Variants in LYPLA1 observed in about 807,000 individuals in gnomAD.
The protein encoded by LYPLA1 is acyl-protein thioesterase 1.
A neutral mutation model predicts 34.0 loss-of-function variants in LYPLA1; 17 were observed. The ratio of observed to expected loss-of-function variants is 0.50; its 90% CI spans 0.34 to 0.75. The LOEUF is 0.75. Ranked by LOEUF, LYPLA1 falls within the 30% of genes least tolerant of loss-of-function variation. The pLI, the probability that LYPLA1 is intolerant of heterozygous loss-of-function variation, is 0.01. For synonymous variants in LYPLA1, 98 were observed against 100.8 expected (o/e 0.97, Z 0.17); for missense variants, 203 against 288.8 (o/e 0.70, Z 2.15).
intron 6 of LYPLA1, among the ~76,000 whole-genome samples, chr8:54,053,856 T>A (rs976537084): frequency 7.2e-5 from 11 of 152,236 alleles, no homozygotes; most frequent in African/African-American, 2.7e-4. Context: ...CTCCTCAGTT[T>A]CCTTGATAGG....
At chr8:54,043,761 A>G (rs1019753697), downstream of LYPLA1, among the ~76,000 whole-genome samples, 3 of 151,698 alleles carry the variant, frequency 2.0e-5, no homozygotes, top group Admixed American at 6.6e-5. Context: ...GGGTTTCACC[A>G]CCTTGGTTAG....
At chr8:54,049,266 C>T (rs1014683476) in intron 8 of LYPLA1, among the ~76,000 whole-genome samples, 1 of 152,262 alleles carries the variant, frequency 6.6e-6, no homozygotes, top group African/African-American at 2.4e-5. Flanking sequence ...CTTCTCAAGC[C>T]TCCAGACCTA....
chr8:54,065,914 A>G, intron 2 of LYPLA1, 101 bp from the exon 3 acceptor site: 2 of 764,054 alleles, frequency 2.6e-6, no homozygotes, highest in Non-Finnish European at 4.6e-6. Flanking sequence ...GATAAATGTT[A>G]AATCCTAAAA....
rs879217145 is a variant in LYPLA1, at chr8:54,052,582, A to G, written c.462+73T>C. The G allele has an allele frequency of 1.0e-4, 92 of 922,796 alleles. 2 individuals carry two copies. In the South Asian group the frequency reaches 1.4e-3, roughly 14 times the overall value. 57.2% of individuals were successfully genotyped at this position (922,796 alleles called of 1,614,324 possible). ...TTTATTAATAAAAAAAAATAAGATG[A>G]CTTTATCTCCAACAATATCTACTAG... On this transcript the variant is annotated intron_variant, in intron 7 of 8. Coordinates refer to ENST00000316963, the MANE Select transcript of LYPLA1 (RefSeq NM_006330.4).
chr8:54,072,914 G>GC (rs1198085224), intron 2 of LYPLA1, among the ~76,000 whole-genome samples: 1 of 146,838 alleles, frequency 6.8e-6, no homozygotes, highest in Non-Finnish European at 1.5e-5. Flanking sequence ...CTCCAGCTTG[G>GC]CGACAGAGCA....
intron 2 of LYPLA1, among the ~76,000 whole-genome samples, chr8:54,069,766 G>A (rs1807331224): frequency 6.6e-6 from 1 of 151,310 alleles, no homozygotes; most frequent in Non-Finnish European, 1.5e-5. Flanking sequence ...ACATTAAAAG[G>A]GTTAGTTTTA....
At chr8:54,082,987 A>T (rs1267289694) in intron 2 of LYPLA1, among the ~76,000 whole-genome samples, 1 of 152,154 alleles carries the variant, frequency 6.6e-6, no homozygotes, top group Non-Finnish European at 1.5e-5. Flanking sequence ...CGGCTTCCCA[A>T]AGTGCTGGGA....
intron 2 of LYPLA1, among the ~76,000 whole-genome samples, chr8:54,068,098 T>C (rs188092230): frequency 6.6e-6 from 1 of 152,184 alleles, no homozygotes; most frequent in East Asian, 1.9e-4. Context: ...AATACTTACA[T>C]AACATTAACT....
At chr8:54,095,349 T>C (rs1809601477) in intron 2 of LYPLA1, among the ~76,000 whole-genome samples, 1 of 152,110 alleles carries the variant, frequency 6.6e-6, no homozygotes, top group African/African-American at 2.4e-5. Context: ...AATATTTAAA[T>C]ATCATAAGAT....
intron 8 of LYPLA1, among the ~76,000 whole-genome samples, chr8:54,049,876 A>C (rs1369584074): frequency 6.6e-6 from 1 of 152,204 alleles, no homozygotes; most frequent in Non-Finnish European, 1.5e-5. Flanking sequence ...CAAACATCCA[A>C]GGTCACAGGT....
intron 2 of LYPLA1, among the ~76,000 whole-genome samples, chr8:54,093,830 T>C (rs1016639426): frequency 6.6e-6 from 1 of 152,254 alleles, no homozygotes; most frequent in Non-Finnish European, 1.5e-5. Flanking sequence ...GTGAATTTTA[T>C]CTTAATGAAA....
intron 2 of LYPLA1, among the ~76,000 whole-genome samples, chr8:54,095,983 C>T (rs1442099323): frequency 6.6e-6 from 1 of 152,104 alleles, no homozygotes; most frequent in African/African-American, 2.4e-5. Context: ...TGATAAAGGA[C>T]ATTATTGGCT....
chr8:54,101,706 C>G, intron 1 of LYPLA1, 49 bp downstream of exon 1: 1 of 1,254,730 alleles, frequency 8.0e-7, no homozygotes. Flanking sequence ...GGGCAACCAC[C>G]GGTGGCCGGC....
At chr8:54,081,888 C>T (rs1192103155) in intron 2 of LYPLA1, among the ~76,000 whole-genome samples, 1 of 152,058 alleles carries the variant, frequency 6.6e-6, no homozygotes, top group Non-Finnish European at 1.5e-5. Flanking sequence ...TGCCACCACA[C>T]CTGGCTAATT....
intron 8 of LYPLA1, among the ~76,000 whole-genome samples, chr8:54,050,468 C>G (rs1470970663): frequency 6.6e-6 from 1 of 152,200 alleles, no homozygotes; most frequent in Non-Finnish European, 1.5e-5. Context: ...CAAAGAGTCT[C>G]TGTTCCCTAT....
At chr8:54,073,314 A>G in intron 2 of LYPLA1, 1 of 867,442 alleles carries the variant, frequency 1.2e-6, no homozygotes, top group East Asian at 2.4e-5. Context: ...CCTTCTATGG[A>G]CGGAACTGTG....
rs145662721 is a variant in LYPLA1, at chr8:54,077,396, C to T, written c.102-11583G>A. Among the ~76,000 whole-genome samples the T allele has an allele frequency of 3.7e-3, 570 of 152,272 alleles. 3 individuals carry two copies. Among genetic ancestry groups the T allele is most frequent in the African/African-American group, 0.013 (548 of 41,546 alleles). On this transcript the variant is annotated intron_variant, in intron 2 of 8. Coordinates refer to ENST00000316963, the MANE Select transcript of LYPLA1 (RefSeq NM_006330.4). ...CAGAAAAAAGACCTATCAGGTACTA[C>T]GCTTATTACCTGGGTGACAAAATTA... is the stretch of plus-strand genomic sequence containing the variant.
Position 54,094,951 on chromosome 8 carries a change from G to C in LYPLA1, c.101+5957C>G, listed in dbSNP as rs371692531. ...TGATTTAAAATTTTGAAACAAATGA[G>C]TATCTACATAAGTAATAAATAAAGG... On this transcript the variant is annotated intron_variant, in intron 2 of 8. Transcript: ENST00000316963. Among the ~76,000 whole-genome samples the C allele has an allele frequency of 5.3e-5, 8 of 152,164 alleles. No individual in the cohort carries two copies. In the South Asian group the frequency reaches 8.3e-4, roughly 16 times the overall value.
chr8:54,090,064 T>G (rs1180619616), intron 2 of LYPLA1, among the ~76,000 whole-genome samples: 1 of 152,222 alleles, frequency 6.6e-6, no homozygotes, highest in Admixed American at 6.5e-5. Context: ...TCACGGAGGA[T>G]TCACATCACC....
Sources: gnomAD v4.1 joint callset for allele counts (sites outside exome capture counted in the v4.1 genomes callset) on GRCh38, gnomAD v4.1.1 for gene constraint, MANE v1.5 for transcripts, NCBI Gene and HGNC (gene_info 2026-07-23, HGNC 2026-07-21) for gene names.